The following KCNQ3 variants were observed in gnomAD, a reference collection of about 807,000 sequenced individuals.
KCNQ3 encodes potassium voltage-gated channel subfamily KQT member 3.
Under a neutral mutation model 92.5 loss-of-function variants are expected in KCNQ3, and 30 were observed. The ratio of observed to expected loss-of-function variants is 0.32; its 90% confidence interval spans 0.24 to 0.44. The LOEUF (loss-of-function observed/expected upper bound fraction) is 0.44. KCNQ3 is among the 20% of genes least tolerant of loss of function. KCNQ3 has a pLI of 1.00. For missense variants in KCNQ3, 913 were observed against 1,140.3 expected (o/e 0.80, Z 2.87); for synonymous variants, 450 against 468.8 (o/e 0.96, Z 0.52).
chr8:132,304,663 T>A (rs1032259536), intron 1 of KCNQ3, among the ~76,000 whole-genome samples: 2 of 152,212 alleles, frequency 1.3e-5, no homozygotes, highest in African/African-American at 4.8e-5. Context: ...AGGACCATAT[T>A]GGACAGTGCA....
Position 132,180,219 on chromosome 8 carries a change from G to T in KCNQ3, c.715C>A (p.Arg239=), listed in dbSNP as rs1438793695. The T allele has an allele frequency of 1.2e-6, 2 of 1,614,056 alleles. No individual in the cohort carries two copies. Among genetic ancestry groups the T allele is most frequent in the African/African-American group, 1.3e-5 (1 of 74,940 alleles). ...CAGGTGCCACCTCTCCGGTCCATCC[G>T]CAGCATGCGCAGGATCTGCAGGAAG... ...LRFLQILRML[R]MDRRGGTWKL... Residue 239 remains arginine, a synonymous_variant, in exon 4 of 15, where the codon CGG becomes AGG. Transcript: ENST00000388996.
At chr8:132,343,400 G>A (rs1237375645) in intron 1 of KCNQ3, among the ~76,000 whole-genome samples, 1 of 152,124 alleles carries the variant, frequency 6.6e-6, no homozygotes, top group African/African-American at 2.4e-5. Context: ...CAGTGCCCAG[G>A]CCTAATCTTT....
At chr8:132,463,418 C>T (rs1356882241) in intron 1 of KCNQ3, among the ~76,000 whole-genome samples, 6 of 152,208 alleles carry the variant, frequency 3.9e-5, no homozygotes, top group Non-Finnish European at 8.8e-5. Flanking sequence ...AATTCATTTT[C>T]TACAAGATGA....
intron 1 of KCNQ3, among the ~76,000 whole-genome samples, chr8:132,275,294 C>T (rs1816287983): frequency 6.6e-6 from 1 of 152,132 alleles, no homozygotes; most frequent in Non-Finnish European, 1.5e-5. Context: ...CAAGTTACAA[C>T]ACATTATAAA....
At chr8:132,403,672 A>G (rs535245744) in intron 1 of KCNQ3, among the ~76,000 whole-genome samples, 4 of 152,158 alleles carry the variant, frequency 2.6e-5, no homozygotes, top group Non-Finnish European at 4.4e-5. Context: ...ATCATCTATG[A>G]ATCCTTCAAA....
chr8:132,308,159 G>A (rs1817487156), intron 1 of KCNQ3, among the ~76,000 whole-genome samples: 2 of 152,164 alleles, frequency 1.3e-5, no homozygotes, highest in Admixed American at 1.3e-4. Context: ...TCCCAGGTTT[G>A]AGGTTGAATA....
rs571509321 is a variant in KCNQ3 at position 132,469,993 on chromosome 8, G to A, written c.386+10154C>T. ...ATTGATACAACACAGGAAGGTCAGC[G>A]ATGTTTCCTTTCCCTGCTCTCCTGA... On this transcript the variant is annotated intron_variant, in intron 1 of 14. Transcript: ENST00000388996. Among the ~76,000 whole-genome samples the A allele has an allele frequency of 2.0e-5, 3 of 152,078 alleles. No individual in the cohort carries two copies. In the South Asian group the frequency reaches 6.2e-4, roughly 32 times the overall value.
chr8:132,278,788 G>A (rs1816419955), intron 1 of KCNQ3, among the ~76,000 whole-genome samples: 1 of 152,142 alleles, frequency 6.6e-6, no homozygotes, highest in Non-Finnish European at 1.5e-5. Context: ...ACTGCACTAG[G>A]GCAGTTGCTC....
chr8:132,323,971 C>T (rs1019572511), intron 1 of KCNQ3, among the ~76,000 whole-genome samples: 1 of 152,202 alleles, frequency 6.6e-6, no homozygotes, highest in Non-Finnish European at 1.5e-5. Flanking sequence ...CTTCAGCCTC[C>T]TCTCCCATGG....
intron 12 of KCNQ3, among the ~76,000 whole-genome samples, chr8:132,135,389 A>G (rs993788073): frequency 5.3e-5 from 8 of 152,132 alleles, no homozygotes; most frequent in Non-Finnish European, 1.2e-4. Flanking sequence ...AAGGCTTATC[A>G]CAGGTCCAGG....
Position 132,364,694 on chromosome 8 carries a change from C to CGGATGGATGGAT in KCNQ3, c.386+115441_386+115452dup, listed in dbSNP as rs10691178. ...ATGGACGGACGGACGGACGGACGGA[C>CGGATGGATGGAT]GGATGGATGGATGGATGGATGGATG... On this transcript the variant is annotated intron_variant, in intron 1 of 14. Coordinates refer to ENST00000388996, the MANE Select transcript of KCNQ3 (RefSeq NM_004519.4). Among the ~76,000 whole-genome samples, 165 of 138,036 alleles carry CGGATGGATGGAT rather than the reference C, an allele frequency of 1.2e-3. 1 individual carries two copies. In the South Asian group the frequency reaches 0.014, roughly 11 times the overall value. The allele number at this position is 138,036 out of a possible 152,430, so 90.6% of individuals were successfully genotyped here.
chr8:132,346,899 T>C (rs1336139535), intron 1 of KCNQ3, among the ~76,000 whole-genome samples: 1 of 152,146 alleles, frequency 6.6e-6, no homozygotes, highest in Admixed American at 6.5e-5. Flanking sequence ...TGGCAAAGCT[T>C]CTGGAGACAC....
chr8:132,180,546 C>A lies in KCNQ3; in HGVS notation c.605-217G>T, dbSNP rs183775867. 2.6e-5 allele frequency among the ~76,000 whole-genome samples: 4 copies of A among 152,278 alleles called. No homozygotes were observed. In the East Asian group the frequency reaches 7.7e-4, roughly 29 times the overall value. ...AAACTGAAGCTCTGAGCCTGAGTGA[C>A]TTTCCAAGGCCACCTGGCCAGAAGT... On this transcript the variant is annotated intron_variant, in intron 3 of 14. Coordinates refer to ENST00000388996, the MANE Select transcript of KCNQ3 (RefSeq NM_004519.4).
chr8:132,458,429 A>T (rs764337816), intron 1 of KCNQ3, among the ~76,000 whole-genome samples: 19 of 152,326 alleles, frequency 1.2e-4, no homozygotes, highest in Admixed American at 2.0e-4. Flanking sequence ...TCAACTTTTT[A>T]AAATAGACTT....
chr8:132,406,508 T>G (rs1170816769), intron 1 of KCNQ3, among the ~76,000 whole-genome samples: 1 of 151,656 alleles, frequency 6.6e-6, no homozygotes, highest in Non-Finnish European at 1.5e-5. Context: ...TGAGCCCCAC[T>G]CACTCAGCAC....
chr8:132,126,543 A>G lies in KCNQ3; in HGVS notation c.*2719T>C, dbSNP rs1224834981. ...TTTCCTTTTTGTTTTCTTAAATGGG[A>G]AAAAAACAGCTCTTAAGGTTCTTAT... On this transcript the variant is annotated 3_prime_UTR_variant, in exon 15 of 15. Coordinates refer to ENST00000388996, the MANE Select transcript of KCNQ3 (RefSeq NM_004519.4). The G allele has an allele frequency of 6.6e-6, 1 of 152,094 alleles. No individual in the cohort carries two copies. Among genetic ancestry groups the G allele is most frequent in the South Asian group, 2.1e-4 (1 of 4,822 alleles). 9.4% of individuals were successfully genotyped at this position (152,094 alleles called of 1,614,324 possible).
chr8:132,190,625 C>T (rs1002041107), intron 1 of KCNQ3, among the ~76,000 whole-genome samples: 2 of 152,148 alleles, frequency 1.3e-5, no homozygotes, highest in African/African-American at 2.4e-5. Context: ...TTGGGGAGTC[C>T]TCCCACAAGA....
At position 132,140,120 on chromosome 8, in the gene KCNQ3, G is replaced by C; in HGVS notation, c.1524C>G (p.Ile508Met). Residue 508 changes from isoleucine (I) to methionine (M), a missense_variant, in exon 11 of 15, where the codon ATC becomes ATG. Physicochemically the swap from Ile to Met is conservative, Grantham distance 10 (BLOSUM62 1). Coordinates refer to ENST00000388996, the MANE Select transcript of KCNQ3 (RefSeq NM_004519.4). ...CCTTCAGGGTGGGGATCATGTCTTC[G>C]ATGGGGAAGTCATTCCCATAGCCCC... is the stretch of plus-strand genomic sequence containing the variant. ...EDRGYGNDFP[I>M]EDMIPTLKAA... is the part of the protein sequence containing the mutation. The C allele has an allele frequency of 6.2e-7, 1 of 1,611,704 alleles. No individual in the cohort carries two copies. Among genetic ancestry groups the C allele is most frequent in the Non-Finnish European group, 8.5e-7 (1 of 1,179,078 alleles).
At chr8:132,303,321 A>T (rs971155334) in intron 1 of KCNQ3, among the ~76,000 whole-genome samples, 3 of 151,714 alleles carry the variant, frequency 2.0e-5, no homozygotes, top group African/African-American at 2.4e-5. Flanking sequence ...GTCCTCAAAG[A>T]CCTCACGGTC....
Sources: gnomAD v4.1 joint callset for allele counts (sites outside exome capture counted in the v4.1 genomes callset) on GRCh38, gnomAD v4.1.1 for gene constraint, MANE v1.5 for transcripts, NCBI Gene and HGNC (gene_info 2026-07-23, HGNC 2026-07-21) for gene names.